ZNF469: variants seen among roughly 807,000 people sequenced by gnomAD.
ZNF469 encodes the protein zinc finger protein 469.
ZNF469 carries 1 observed loss-of-function variant against 1.0 expected under a neutral mutation model. That is an observed-to-expected ratio of 1.00 (90% CI 0.35 to 4.73). The LOEUF is 4.73. Among genes scored for constraint, ZNF469 ranks in the 30% most tolerant of loss-of-function variants. ZNF469 has a pLI of 0.16. For missense variants in ZNF469, 6,100 were observed against 5,356.3 expected (o/e 1.14, Z -4.33); for synonymous variants, 2,703 against 2,363.4 (o/e 1.14, Z -4.17).
chr16:88,125,948 G>A, the ZNF469 span, among the ~76,000 whole-genome samples: 11 of 152,012 alleles, frequency 7.2e-5, no homozygotes, highest in Non-Finnish European at 1.3e-4. Context: ...TAGCACTTTG[G>A]GAGGCCAATG....
chr16:88,260,821 G>T, the ZNF469 span, among the ~76,000 whole-genome samples: 1 of 152,148 alleles, frequency 6.6e-6, no homozygotes, highest in African/African-American at 2.4e-5. This position sits in a 1 kb window ranked among gnomAD's most constrained non-coding sequence, Gnocchi z 4.1. Context: ...TGGAAAGATT[G>T]TTCTGAACCA....
the ZNF469 span, among the ~76,000 whole-genome samples, chr16:88,113,381 C>A: frequency 1.3e-5 from 2 of 152,190 alleles, no homozygotes; most frequent in African/African-American, 4.8e-5. Flanking sequence ...TATGTTCTTG[C>A]CACCTTTGTT....
In ZNF469 at chr16:88,430,312, G is replaced by T. The variant is rs1379304957; in HGVS notation, c.2842G>T (p.Gly948Trp). Residue 948 changes from glycine to tryptophan, a missense_variant, in exon 3 of 3, where the codon GGG becomes TGG. By Grantham distance (184) the Gly-to-Trp change is radical. Coordinates refer to ENST00000565624, the MANE Select transcript of ZNF469 (RefSeq NM_001367624.2). ...CAGCCAGGGCAGGCAGCAGAGGAGG[G>T]GGAAGCAGTTGAAGCTGTTCCGGAA... ...APSQGRQQRR[G>W]KQLKLFRKDL... The T allele has an allele frequency of 2.6e-6, 4 of 1,515,638 alleles. No homozygotes were observed. The South Asian group carries it at 4.9e-5, about 19-fold the overall frequency. The allele number at this position is 1,515,638 out of a possible 1,614,324, so 93.9% of individuals were successfully genotyped here.
chr16:88,116,951 G>A, the ZNF469 span, among the ~76,000 whole-genome samples: 1 of 46,026 alleles, frequency 2.2e-5, no homozygotes. Context: ...TGAAGTGCAT[G>A]CGTGCACACA....
At chr16:88,151,998 A>G in the ZNF469 span, among the ~76,000 whole-genome samples, 1 of 151,990 alleles carries the variant, frequency 6.6e-6, no homozygotes, top group South Asian at 2.1e-4. The surrounding 1 kb of genome is among the most constrained non-coding windows in gnomAD (Gnocchi z 5.4). Context: ...AGCAGTAGAT[A>G]CTCCCTTCTT....
At position 88,436,399 on chromosome 16, in the gene ZNF469, C is replaced by G; in HGVS notation, c.8929C>G (p.His2977Asp). ...REAGAEKLPS[H>D]CPEDDRPEAI... ...AGCTGGTGCAGAGAAGCTGCCCTCC[C>G]ACTGCCCCGAGGACGATCGGCCGGA... Residue 2977 changes from histidine to aspartate, a missense_variant, in exon 3 of 3, where the codon CAC (histidine) becomes GAC (aspartate). His to Asp is a moderately conservative substitution (Grantham distance 81). Transcript: ENST00000565624. The G allele has an allele frequency of 6.5e-7, 1 of 1,549,848 alleles. No homozygotes were observed. The highest frequency in any genetic ancestry group is 8.7e-7 in the Non-Finnish European group (1 of 1,146,942).
At chr16:88,409,732 A>G (rs1428979625) in intron 1 of ZNF469, among the ~76,000 whole-genome samples, 1 of 152,192 alleles carries the variant, frequency 6.6e-6, no homozygotes, top group African/African-American at 2.4e-5. Flanking sequence ...ATGCAAACAA[A>G]GCTCGGTAAA....
the ZNF469 span, among the ~76,000 whole-genome samples, chr16:88,328,905 GGAGGAGGCC>G: frequency 6.6e-6 from 1 of 152,108 alleles, no homozygotes; most frequent in Non-Finnish European, 1.5e-5. Context: ...AGGAGGAAGC[GGAGGAGGCC>G]GAGGAGGGAG....
the ZNF469 span, among the ~76,000 whole-genome samples, chr16:88,154,016 T>G: frequency 6.6e-6 from 1 of 152,326 alleles, no homozygotes; most frequent in South Asian, 2.1e-4. Flanking sequence ...AGGTATGAAT[T>G]TGGGGACACA....
upstream of ZNF469, among the ~76,000 whole-genome samples, chr16:88,382,811 G>A (rs892772664): frequency 6.6e-6 from 1 of 152,182 alleles, no homozygotes; most frequent in African/African-American, 2.4e-5. Context: ...GTGAAGAGGG[G>A]GTTCAGGGAG....
chr16:88,341,548 G>A, the ZNF469 span, among the ~76,000 whole-genome samples: 2 of 152,208 alleles, frequency 1.3e-5, no homozygotes, highest in East Asian at 1.9e-4. Context: ...CTCTCAAGCC[G>A]TGCCCCAGAA....
the ZNF469 span, among the ~76,000 whole-genome samples, chr16:88,341,129 G>C: frequency 6.6e-6 from 1 of 152,204 alleles, no homozygotes; most frequent in Non-Finnish European, 1.5e-5. Context: ...GGCCACACGT[G>C]GTCTCTGTCA....
At chr16:88,403,077 A>G (rs984234236) in intron 1 of ZNF469, among the ~76,000 whole-genome samples, 9 of 152,180 alleles carry the variant, frequency 5.9e-5, no homozygotes, top group African/African-American at 1.9e-4. Context: ...GGGCCCAGAA[A>G]CTTAAGAAGG....
In ZNF469 at chr16:88,430,247, C is replaced by T. The variant is rs1388345799; in HGVS notation, c.2777C>T (p.Thr926Met). The T allele has an allele frequency of 2.0e-6, 3 of 1,528,114 alleles. No homozygotes were observed. Among genetic ancestry groups the T allele is most frequent in the East Asian group, 2.5e-5 (1 of 40,666 alleles). 94.7% of individuals were successfully genotyped at this position (1,528,114 alleles called of 1,614,324 possible). Residue 926 changes from threonine to methionine, a missense_variant, in exon 3 of 3, where the codon ACG (threonine) becomes ATG (methionine). Coordinates refer to ENST00000565624, the MANE Select transcript of ZNF469 (RefSeq NM_001367624.2). ...RGCPARGRPK[T>M]RSLGLAPTEA... is the part of the protein sequence containing the mutation. ...TGCCCAGCCCGAGGCAGGCCCAAAACGCGTTCCCTGGGTCTGGCCCCCACC... is the reference window on the plus strand; with the variant it reads ...TGCCCAGCCCGAGGCAGGCCCAAAATGCGTTCCCTGGGTCTGGCCCCCACC...
chr16:88,342,838 A>G, the ZNF469 span, among the ~76,000 whole-genome samples: 1 of 152,316 alleles, frequency 6.6e-6, no homozygotes, highest in South Asian at 2.1e-4. Context: ...ATAGGGCGAT[A>G]CCCGTCAAGC....
At chr16:88,378,310 G>A (rs1281462044), upstream of ZNF469, among the ~76,000 whole-genome samples, 1 of 152,230 alleles carries the variant, frequency 6.6e-6, no homozygotes, top group African/African-American at 2.4e-5. Context: ...CCCAAATTGA[G>A]GGTCTACTCA....
the ZNF469 span, among the ~76,000 whole-genome samples, chr16:88,114,180 GA>G: frequency 6.8e-6 from 1 of 146,350 alleles, no homozygotes; most frequent in African/African-American, 2.5e-5. Context: ...GGTCTCGGGG[GA>G]GAATGACAGG....
At chr16:88,286,111 C>T in the ZNF469 span, among the ~76,000 whole-genome samples, 1 of 152,240 alleles carries the variant, frequency 6.6e-6, no homozygotes, top group Non-Finnish European at 1.5e-5. Flanking sequence ...GGAGCACATT[C>T]CCCTGTTGGG....
the ZNF469 span, among the ~76,000 whole-genome samples, chr16:88,244,259 A>T: frequency 7.1e-6 from 1 of 140,476 alleles, no homozygotes; most frequent in African/African-American, 2.7e-5. Flanking sequence ...GTGAATGCAT[A>T]CATGGATGGG....
Sources: allele counts gnomAD v4.1 joint callset (sites outside exome capture counted in the v4.1 genomes callset), GRCh38; gene constraint gnomAD v4.1.1; non-coding constraint Gnocchi (gnomAD v3.1); transcripts MANE v1.5; gene names NCBI Gene and HGNC (gene_info 2026-07-23, HGNC 2026-07-21).